Variants in NBAS observed in about 807,000 individuals in gnomAD.
The protein encoded by NBAS is NAG/BC035112 fusion.
Under a neutral mutation model 302.5 loss-of-function variants are expected in NBAS, and 219 were observed. That is an observed-to-expected ratio of 0.72 (90% confidence interval 0.65 to 0.81). NBAS has a LOEUF of 0.81. Ranked by LOEUF, NBAS falls within the 30% of genes least tolerant of loss-of-function variation. The pLI is 0.00. For missense variants in NBAS, 2,932 were observed against 2,841.6 expected (o/e 1.03, Z -0.72); for synonymous variants, 1,118 against 1,021.6 (o/e 1.09, Z -1.80).
intron 51 of NBAS, among the ~76,000 whole-genome samples, chr2:15,176,128 T>C (rs1158685609): frequency 6.6e-6 from 1 of 152,206 alleles, no homozygotes; most frequent in Non-Finnish European, 1.5e-5. Context: ...TTTCTATTTT[T>C]CATTGCAATA....
Position 15,530,149 on chromosome 2 carries a change from G to A in NBAS, c.746+4394C>T, listed in dbSNP as rs565678742. Among the ~76,000 whole-genome samples the A allele has an allele frequency of 5.0e-4, 76 of 152,026 alleles. 1 individual carries two copies. The highest frequency in any genetic ancestry group is 1.7e-3 in the African/African-American group (72 of 41,462). ...ATAAACAACTAACTCTTAAACACAG[G>A]AGCCACACATATCAAAAGGAGTAAG... On this transcript the variant is annotated intron_variant, in intron 9 of 51. Transcript: ENST00000281513.
At chr2:14,963,537 A>C in the NBAS span, among the ~76,000 whole-genome samples, 4 of 152,190 alleles carry the variant, frequency 2.6e-5, no homozygotes, top group South Asian at 8.3e-4. Context: ...GAGAACTGGA[A>C]GGTGTGTGTT....
At chr2:15,348,884 G>C (rs1673219883) in intron 35 of NBAS, among the ~76,000 whole-genome samples, 1 of 152,146 alleles carries the variant, frequency 6.6e-6, no homozygotes, top group South Asian at 2.1e-4. Flanking sequence ...ACACCGTAAA[G>C]TGCTAAAACG....
intron 6 of NBAS, among the ~76,000 whole-genome samples, chr2:15,549,353 A>T (rs1258020538): frequency 6.6e-6 from 1 of 152,170 alleles, no homozygotes; most frequent in African/African-American, 2.4e-5. Flanking sequence ...TTGTCAGCAG[A>T]CTGTTGTAAG....
intron 32 of NBAS, among the ~76,000 whole-genome samples, chr2:15,357,317 T>C (rs1472694540): frequency 6.6e-6 from 1 of 152,224 alleles, no homozygotes; most frequent in Non-Finnish European, 1.5e-5. Flanking sequence ...CACAAACACC[T>C]TATACAATTT....
Position 15,287,095 on chromosome 2 carries a change from C to T in NBAS, c.5116G>A (p.Glu1706Lys), listed in dbSNP as rs376032574. The change falls in exon 42 of 52, where the codon GAG becomes AAG. Residue 1706 changes from glutamate to lysine, a missense_variant. Glu to Lys is a moderately conservative substitution (Grantham distance 56). Coordinates refer to ENST00000281513, the MANE Select transcript of NBAS (RefSeq NM_015909.4). Reference sequence around the variant, plus strand: ...TACCCACTGTCCGTGAAGAGGAACTCCAAATGGGTCATAAAAACTTCCCAG... The same window carrying T: ...TACCCACTGTCCGTGAAGAGGAACTTCAAATGGGTCATAAAAACTTCCCAG... Reference protein sequence around the residue: ...SRWEVFMTHLEFLFTDSGLST... With the variant: ...SRWEVFMTHLKFLFTDSGLST... 1.5e-5 allele frequency: 25 copies of T among 1,613,322 alleles called. No individual in the cohort carries two copies. The African/African-American group carries it at 3.1e-4, about 20-fold the overall frequency.
Position 15,553,407 on chromosome 2 carries a change from G to T in NBAS, c.335+19C>A. ...ATTTCTCAAAGGAAATCTTGAATAT[G>T]AATAATATTAACAATTACCTGATTT... On this transcript the variant is annotated intron_variant, in intron 5 of 51. Transcript: ENST00000281513. 6.3e-7 allele frequency: 1 copy of T among 1,589,128 alleles called. No individual in the cohort carries two copies. Among genetic ancestry groups the T allele is most frequent in the Non-Finnish European group, 8.6e-7 (1 of 1,157,642 alleles).
the NBAS span, among the ~76,000 whole-genome samples, chr2:14,787,894 C>T: frequency 6.6e-6 from 1 of 152,192 alleles, no homozygotes; most frequent in Non-Finnish European, 1.5e-5. Flanking sequence ...GGAAGTTCTC[C>T]TGGATAACAT....
chr2:15,405,148 C>T (rs1056615443), intron 25 of NBAS, among the ~76,000 whole-genome samples: 5 of 152,140 alleles, frequency 3.3e-5, no homozygotes, highest in Admixed American at 6.5e-5. Context: ...GTGTTATCTC[C>T]GTTTGACTTT....
At chr2:15,309,048 A>AATAC in intron 39 of NBAS, 123 bp downstream of exon 39, 1 of 440,392 alleles carries the variant, frequency 2.3e-6, no homozygotes, top group East Asian at 5.5e-5. Flanking sequence ...TAAATAAATA[A>AATAC]ATAAAAGAAA....
At position 15,525,036 on chromosome 2, in the gene NBAS, ATATTCAGCATCTACCTATATGGCT is replaced by A. The variant is rs1274753505; in HGVS notation, c.746+9483_746+9506del. On this transcript the variant is annotated intron_variant, in intron 9 of 51. Coordinates refer to ENST00000281513, the MANE Select transcript of NBAS (RefSeq NM_015909.4). ...AGCAACTTCACTGCAAAAACACAAT[ATATTCAGCATCTACCTATATGGCT>A]TATTCCACATCTACCTTTTATCCAG... is the stretch of plus-strand genomic sequence containing the variant. Among the ~76,000 whole-genome samples the A allele has an allele frequency of 3.3e-5, 5 of 152,306 alleles. No individual in the cohort carries two copies. The East Asian group carries it at 9.6e-4, about 29-fold the overall frequency.
At chr2:15,491,335 G>A (rs2148615804) in intron 11 of NBAS, among the ~76,000 whole-genome samples, 1 of 152,342 alleles carries the variant, frequency 6.6e-6, no homozygotes, top group Middle Eastern at 3.4e-3. Context: ...GGGAGAATGT[G>A]AACAAACAGG....
the NBAS span, among the ~76,000 whole-genome samples, chr2:14,812,185 G>A: frequency 5.3e-5 from 8 of 152,166 alleles, no homozygotes; most frequent in Admixed American, 6.5e-5. Flanking sequence ...GCATATCCAC[G>A]TGGTTAGTTG....
chr2:15,116,255 C>T, the NBAS span, among the ~76,000 whole-genome samples: 40 of 152,224 alleles, frequency 2.6e-4, no homozygotes, highest in African/African-American at 9.4e-4. Flanking sequence ...ATCTTAGCTT[C>T]GACTACCATA....
the NBAS span, among the ~76,000 whole-genome samples, chr2:14,991,933 A>T: frequency 6.6e-6 from 1 of 152,184 alleles, no homozygotes; most frequent in Admixed American, 6.5e-5. Flanking sequence ...TCTACTAAGC[A>T]GGGCATGCCG....
chr2:15,371,804 C>T (rs1674498644), intron 31 of NBAS, among the ~76,000 whole-genome samples: 1 of 151,630 alleles, frequency 6.6e-6, no homozygotes, highest in Non-Finnish European at 1.5e-5. Flanking sequence ...TGAACAGAGG[C>T]TGAGGAGGGA....
In NBAS at chr2:15,539,330, T is replaced by A. The variant is rs1253033456; in HGVS notation, c.406A>T (p.Arg136Ter). 1.9e-6 allele frequency: 3 copies of A among 1,614,254 alleles called. No homozygotes were observed. In the East Asian group the frequency reaches 6.7e-5, roughly 36 times the overall value. The change falls in exon 7 of 52, where the codon AGA (arginine) becomes TGA (stop). Residue 136 changes from arginine to a stop codon, truncating the protein, a stop_gained. Transcript: ENST00000281513. LOFTEE classifies it high-confidence loss of function. The stretch of plus-strand genomic sequence containing the variant: ...CAATCGTAACTCCATGCTACCCGTC[T>A]CCACTGGGGTTTCGGGTCTTTCGGA... Reference protein sequence around the residue: ...QVPKDPKPQWRRVAWSYDCTL... With the variant: ...QVPKDPKPQW
intron 28 of NBAS, among the ~76,000 whole-genome samples, chr2:15,390,536 A>G (rs979292260): frequency 6.6e-5 from 10 of 152,144 alleles, no homozygotes; most frequent in Admixed American, 3.9e-4. Flanking sequence ...CACCATGAGA[A>G]CTATACGTAA....
chr2:15,144,807 G>A, the NBAS span, among the ~76,000 whole-genome samples: 23 of 152,210 alleles, frequency 1.5e-4, no homozygotes, highest in Non-Finnish European at 1.3e-4. Flanking sequence ...TGGTTTATGA[G>A]ATCTGGTTTT....
Sources: gnomAD v4.1 joint callset for allele counts (sites outside exome capture counted in the v4.1 genomes callset) on GRCh38, gnomAD v4.1.1 for gene constraint, MANE v1.5 for transcripts, NCBI Gene and HGNC (gene_info 2026-07-23, HGNC 2026-07-21) for gene names.